The following NHSL1 variants were observed in gnomAD, a reference collection of about 807,000 sequenced individuals.
NHSL1 encodes the protein NHS like 1.
In NHSL1, 48 loss-of-function variants were observed where a neutral mutation model predicts 95.0. The observed-to-expected ratio is 0.51, with a 90% CI of 0.40 to 0.64. NHSL1 has a LOEUF of 0.64. NHSL1 is among the 30% of genes least tolerant of loss of function. NHSL1 has a pLI of 0.00. For synonymous variants in NHSL1, 783 were observed against 833.9 expected (o/e 0.94, Z 1.05); for missense variants, 1,971 against 2,077.7 (o/e 0.95, Z 1.00).
intron 1 of NHSL1, among the ~76,000 whole-genome samples, chr6:138,616,490 GGAGGAAGA>G (rs1479478777): frequency 2.6e-5 from 4 of 152,008 alleles, no homozygotes; most frequent in Non-Finnish European, 4.4e-5. Context: ...AGAGAAAGGG[GGAGGAAGA>G]GAGGAAGAGG....
intron 1 of NHSL1, among the ~76,000 whole-genome samples, chr6:138,537,348 TTATTCATCTGGATG>T (rs1401322850): frequency 6.6e-6 from 1 of 152,234 alleles, no homozygotes; most frequent in Non-Finnish European, 1.5e-5. Flanking sequence ...TAATACTTTT[TTATTCATCTGGATG>T]TATTTATACA....
chr6:138,465,514 C>G (rs947045532), intron 3 of NHSL1, among the ~76,000 whole-genome samples: 7 of 152,166 alleles, frequency 4.6e-5, no homozygotes, highest in Non-Finnish European at 1.0e-4. Flanking sequence ...ATCCCTCCCC[C>G]ATTTCCTGAC....
intron 7 of NHSL1, among the ~76,000 whole-genome samples, chr6:138,426,390 G>T (rs923924515): frequency 2.0e-5 from 3 of 152,186 alleles, no homozygotes; most frequent in Non-Finnish European, 1.5e-5. Context: ...GTGAAATAAA[G>T]AAGCTAGCTA....
intron 1 of NHSL1, among the ~76,000 whole-genome samples, chr6:138,684,966 G>A (rs1040995578): frequency 1.3e-5 from 2 of 152,034 alleles, no homozygotes; most frequent in African/African-American, 2.4e-5. Flanking sequence ...TACTTATAAC[G>A]ATTTTTTTTT....
intron 1 of NHSL1, among the ~76,000 whole-genome samples, chr6:138,601,386 C>T (rs909235561): frequency 6.6e-6 from 1 of 152,240 alleles, no homozygotes; most frequent in Non-Finnish European, 1.5e-5. Flanking sequence ...TTTTGTTACA[C>T]ATTCAGCACC....
upstream of NHSL1, among the ~76,000 whole-genome samples, chr6:138,503,924 C>T (rs187491877): frequency 3.9e-5 from 6 of 151,972 alleles, no homozygotes; most frequent in African/African-American, 1.4e-4. Flanking sequence ...TAAATTTAAT[C>T]CCCAGTTAAA....
At chr6:138,534,866 C>A (rs1782274675) in intron 1 of NHSL1, among the ~76,000 whole-genome samples, 1 of 152,168 alleles carries the variant, frequency 6.6e-6, no homozygotes, top group Admixed American at 6.5e-5. Flanking sequence ...CACGACTCAG[C>A]TGGGACTGTA....
chr6:138,474,360 C>CT (rs2128249517), intron 2 of NHSL1, among the ~76,000 whole-genome samples: 1 of 152,300 alleles, frequency 6.6e-6, no homozygotes, highest in African/African-American at 2.4e-5. Flanking sequence ...CAGAACTAAA[C>CT]TAGGGCATCT....
intron 1 of NHSL1, among the ~76,000 whole-genome samples, chr6:138,669,390 G>C (rs770273414): frequency 6.6e-6 from 1 of 152,102 alleles, no homozygotes; most frequent in East Asian, 1.9e-4. Context: ...CCAACTCGGC[G>C]GGGAAGCTAA....
intron 1 of NHSL1, among the ~76,000 whole-genome samples, chr6:138,578,218 C>G (rs1783999961): frequency 6.6e-6 from 1 of 152,212 alleles, no homozygotes; most frequent in South Asian, 2.1e-4. Flanking sequence ...CCAACTCCCA[C>G]CTTTCAAAGT....
intron 2 of NHSL1, 46 bp from the exon 3 acceptor site, chr6:138,473,479 GTACTCCTCTTTACTTACTTTACGTT>G: frequency 7.2e-7 from 1 of 1,385,382 alleles, no homozygotes. Flanking sequence ...TTAAAAAGCT[GTACTCCTCTTTACTTACTTTACGTT>G]TACTCCTCTT....
chr6:138,626,455 T>A (rs1226611799), intron 1 of NHSL1, among the ~76,000 whole-genome samples: 2 of 152,192 alleles, frequency 1.3e-5, no homozygotes, highest in African/African-American at 4.8e-5. Flanking sequence ...GGCATAGCTT[T>A]AAGTAAATAT....
intron 2 of NHSL1, among the ~76,000 whole-genome samples, chr6:138,480,779 T>C (rs1691766214): frequency 6.6e-6 from 1 of 152,214 alleles, no homozygotes; most frequent in Non-Finnish European, 1.5e-5. Flanking sequence ...GAAAGTCCTA[T>C]GATGATCTAG....
At chr6:138,428,117 A>G (rs1369727481) in intron 7 of NHSL1, among the ~76,000 whole-genome samples, 1 of 152,176 alleles carries the variant, frequency 6.6e-6, no homozygotes, top group African/African-American at 2.4e-5. Context: ...AGTAATTTGG[A>G]CCCACAACAG....
At chr6:138,685,517 G>A (rs1379508530) in intron 1 of NHSL1, among the ~76,000 whole-genome samples, 1 of 151,886 alleles carries the variant, frequency 6.6e-6, no homozygotes, top group Non-Finnish European at 1.5e-5. Flanking sequence ...CTCAACATGT[G>A]ACGATCCACG....
At chr6:138,590,138 C>T (rs528674043) in intron 1 of NHSL1, among the ~76,000 whole-genome samples, 7 of 152,318 alleles carry the variant, frequency 4.6e-5, no homozygotes, top group African/African-American at 1.4e-4. Flanking sequence ...GCTGTGACTA[C>T]AGGTGCCCAT....
chr6:138,491,406 C>CA (rs1395810731), intron 2 of NHSL1, among the ~76,000 whole-genome samples: 2 of 152,166 alleles, frequency 1.3e-5, no homozygotes, highest in African/African-American at 2.4e-5. Context: ...CTACAGGTTA[C>CA]AAAAAAGCAA....
chr6:138,479,272 G>T (rs1344456063), intron 2 of NHSL1, among the ~76,000 whole-genome samples: 1 of 152,176 alleles, frequency 6.6e-6, no homozygotes, highest in African/African-American at 2.4e-5. Flanking sequence ...GTCAGCATAT[G>T]ATTTTCTTTT....
chr6:138,609,356 G>A (rs1167653262), intron 1 of NHSL1, among the ~76,000 whole-genome samples: 2 of 152,176 alleles, frequency 1.3e-5, no homozygotes, highest in Admixed American at 1.3e-4. Context: ...ATGCACCGCT[G>A]GGGCTCACGC....
Sources: gnomAD v4.1 joint callset for allele counts (sites outside exome capture counted in the v4.1 genomes callset) on GRCh38, gnomAD v4.1.1 for gene constraint, MANE v1.5 for transcripts, NCBI Gene and HGNC (gene_info 2026-07-23, HGNC 2026-07-21) for gene names.